The following JMY variants were observed in gnomAD, a reference collection of about 807,000 sequenced individuals.
JMY encodes junction mediating and regulatory protein, p53 cofactor.
Under a neutral mutation model 103.3 loss-of-function variants are expected in JMY, and 46 were observed. The ratio of observed to expected loss-of-function variants is 0.45; its 90% CI spans 0.35 to 0.57. The LOEUF is 0.57. Among genes scored for constraint, JMY ranks in the 20% least tolerant of loss-of-function variants. The pLI, the probability that JMY is intolerant of heterozygous loss-of-function variation, is 0.00. For synonymous variants in JMY, 526 were observed against 489.3 expected (o/e 1.07, Z -0.99); for missense variants, 1,238 against 1,255.2 (o/e 0.99, Z 0.21).
At chr5:79,277,406 G>C (rs926772702) in intron 1 of JMY, among the ~76,000 whole-genome samples, 3 of 151,478 alleles carry the variant, frequency 2.0e-5, no homozygotes, top group Non-Finnish European at 2.9e-5. Context: ...GCGGGTGGCT[G>C]TCTTGAGCCA....
At chr5:79,304,090 A>C (rs977470602) in intron 6 of JMY, among the ~76,000 whole-genome samples, 3 of 152,160 alleles carry the variant, frequency 2.0e-5, no homozygotes, top group Admixed American at 6.6e-5. Flanking sequence ...AGTATTCTTC[A>C]GTCTTCATTT....
chr5:79,317,699 A>G (rs1300756801), intron 10 of JMY, among the ~76,000 whole-genome samples: 2 of 152,050 alleles, frequency 1.3e-5, no homozygotes, highest in African/African-American at 2.4e-5. Context: ...TTTTTGTTGA[A>G]TTTCTTTTTT....
At chr5:79,252,195 CCTT>C (rs1427312584) in intron 1 of JMY, among the ~76,000 whole-genome samples, 1 of 152,088 alleles carries the variant, frequency 6.6e-6, no homozygotes, top group African/African-American at 2.4e-5. Context: ...AATAAATTTT[CCTT>C]CTTAATTTCT....
At chr5:79,273,597 G>A (rs895858716) in intron 1 of JMY, among the ~76,000 whole-genome samples, 1 of 152,120 alleles carries the variant, frequency 6.6e-6, no homozygotes, top group Admixed American at 6.6e-5. Flanking sequence ...ATTTTGTTCT[G>A]AATCATTTTC....
At chr5:79,303,923 CTG>C (rs1746810582) in intron 6 of JMY, among the ~76,000 whole-genome samples, 1 of 151,938 alleles carries the variant, frequency 6.6e-6, no homozygotes, top group African/African-American at 2.4e-5. Flanking sequence ...GCAAAGGAAA[CTG>C]TACAGGTGAG....
rs142352001 is a variant in JMY at position 79,303,253 on chromosome 5, A to G, written c.1881+2390A>G. 5.2e-3 allele frequency among the ~76,000 whole-genome samples: 791 copies of G among 152,236 alleles called. 8 individuals are homozygous for G. The highest frequency in any genetic ancestry group is 0.019 in the African/African-American group (778 of 41,548). On this transcript the variant is annotated intron_variant, in intron 6 of 10. Coordinates refer to ENST00000396137, the MANE Select transcript of JMY (RefSeq NM_152405.5). ...TAAAATATTTTATTTATTTTTTTATAGAGACAGGGGCTCACTATGTTGCCC... is the reference window on the plus strand; with the variant it reads ...TAAAATATTTTATTTATTTTTTTATGGAGACAGGGGCTCACTATGTTGCCC...
In JMY at chr5:79,325,557, T is replaced by C. The variant is rs984851810; in HGVS notation, c.*3955T>C. 1.3e-5 allele frequency: 2 copies of C among 152,146 alleles called. No homozygotes were observed. The highest frequency in any genetic ancestry group is 4.8e-5 in the African/African-American group (2 of 41,442). 9.4% of individuals were successfully genotyped at this position (152,146 alleles called of 1,614,324 possible). A position where few individuals can be genotyped will look rare whatever the true frequency, so the allele number is the denominator to read the frequency against. On this transcript the variant is annotated 3_prime_UTR_variant, in exon 11 of 11. Coordinates refer to ENST00000396137, the MANE Select transcript of JMY (RefSeq NM_152405.5). ...GCTTAGCATAGAAAAAGAGCTATGG[T>C]TAGAGGAGTGACCAGCAAGATTTAT...
At chr5:79,257,723 C>CCCTTAAAG (rs1336156826) in intron 1 of JMY, among the ~76,000 whole-genome samples, 10 of 152,186 alleles carry the variant, frequency 6.6e-5, no homozygotes, top group Non-Finnish European at 1.2e-4. Flanking sequence ...CCCCTCATGC[C>CCCTTAAAG]CCTTAAAGTG....
intron 4 of JMY, among the ~76,000 whole-genome samples, chr5:79,299,186 G>A (rs149692588): frequency 6.6e-6 from 1 of 152,272 alleles, no homozygotes; most frequent in African/African-American, 2.4e-5. Context: ...ACTGATGCCC[G>A]TATCGGGGCT....
chr5:79,277,707 AAAG>A (rs753074400), intron 1 of JMY, among the ~76,000 whole-genome samples, 200 bp from the exon 2 acceptor site: 8 of 152,130 alleles, frequency 5.3e-5, no homozygotes, highest in Non-Finnish European at 1.0e-4. Context: ...TTGAGCCTCA[AAAG>A]AAATATTCAG....
chr5:79,246,488 C>G (rs1477035626), intron 1 of JMY, among the ~76,000 whole-genome samples: 1 of 152,160 alleles, frequency 6.6e-6, no homozygotes, highest in Admixed American at 6.5e-5. Context: ...CCTGACTTCT[C>G]CTTGTTAATA....
intron 2 of JMY, among the ~76,000 whole-genome samples, chr5:79,279,046 AT>A (rs1746032462): frequency 6.6e-6 from 1 of 151,968 alleles, no homozygotes; most frequent in African/African-American, 2.4e-5. Context: ...ATTACAAAAA[AT>A]TTTTTTCAGC....
intron 1 of JMY, among the ~76,000 whole-genome samples, chr5:79,267,599 C>T (rs1479134975): frequency 1.3e-5 from 2 of 152,150 alleles, no homozygotes; most frequent in Non-Finnish European, 2.9e-5. Flanking sequence ...ATTTTTTATA[C>T]AGATGGGATC....
chr5:79,323,939 A>G lies in JMY; in HGVS notation c.*2337A>G, dbSNP rs1023659068. ...GAGAGTCACCTCACACTTGGAAAAG[A>G]AGGAGGTTAAAGCAGAGTATTGTTG... On this transcript the variant is annotated 3_prime_UTR_variant, in exon 11 of 11. Transcript: ENST00000396137. The G allele has an allele frequency of 1.3e-5, 2 of 152,172 alleles. No individual in the cohort carries two copies. Among genetic ancestry groups the G allele is most frequent in the Non-Finnish European group, 2.9e-5 (2 of 68,040 alleles). The allele number at this position is 152,172 out of a possible 1,614,324, so 9.4% of individuals were successfully genotyped here.
chr5:79,311,500 G>C (rs1283596204), intron 7 of JMY, among the ~76,000 whole-genome samples: 3 of 152,174 alleles, frequency 2.0e-5, no homozygotes, highest in African/African-American at 7.2e-5. Context: ...CAATGGAAGA[G>C]AGGGTAGTTA....
At chr5:79,253,854 A>G (rs1745161592) in intron 1 of JMY, among the ~76,000 whole-genome samples, 4 of 151,830 alleles carry the variant, frequency 2.6e-5, no homozygotes, top group Admixed American at 2.0e-4. Flanking sequence ...TTTTGTAGAA[A>G]TGGGGTTTTG....
intron 1 of JMY, among the ~76,000 whole-genome samples, chr5:79,256,182 G>T (rs538710542): frequency 2.0e-5 from 3 of 152,318 alleles, no homozygotes; most frequent in Non-Finnish European, 4.4e-5. Context: ...CTTCCCAGTG[G>T]CAGAGGAACC....
rs1747675351 is a variant in JMY, at chr5:79,327,119, C to T, written c.*5517C>T. 1 of 152,184 alleles carries T rather than the reference C, an allele frequency of 6.6e-6. No individual in the cohort carries two copies. Among genetic ancestry groups the T allele is most frequent in the Non-Finnish European group, 1.5e-5 (1 of 68,032 alleles). The allele number at this position is 152,184 out of a possible 1,614,324, so 9.4% of individuals were successfully genotyped here. ...TACACCAAGTATTGCAATCACCTTTCTCTTGTTGTACATGCAATGTAACAA... is the reference window on the plus strand; with the variant it reads ...TACACCAAGTATTGCAATCACCTTTTTCTTGTTGTACATGCAATGTAACAA... On this transcript the variant is annotated 3_prime_UTR_variant, in exon 11 of 11. Transcript: ENST00000396137.
At chr5:79,271,356 TTGTC>T (rs1373943264) in intron 1 of JMY, among the ~76,000 whole-genome samples, 3 of 152,104 alleles carry the variant, frequency 2.0e-5, no homozygotes, top group African/African-American at 7.2e-5. Context: ...CTTGTAGTGT[TTGTC>T]TGTTTTTGCT....
Sources: allele counts gnomAD v4.1 joint callset (sites outside exome capture counted in the v4.1 genomes callset), GRCh38; gene constraint gnomAD v4.1.1; transcripts MANE v1.5; gene names NCBI Gene and HGNC (gene_info 2026-07-23, HGNC 2026-07-21).